The following SPEF2 variants were observed in gnomAD, a reference collection of about 807,000 sequenced individuals.
The protein encoded by SPEF2 is sperm flagellar and cilia associated 2.
Under a neutral mutation model 224.6 loss-of-function variants are expected in SPEF2, and 187 were observed. The observed-to-expected ratio is 0.83, with a 90% CI of 0.74 to 0.94. SPEF2 has a LOEUF of 0.94. SPEF2 is among the 40% of genes least tolerant of loss of function. SPEF2 has a pLI of 0.00. For synonymous variants in SPEF2, 715 were observed against 707.3 expected (o/e 1.01, Z -0.17); for missense variants, 2,170 against 2,135.6 (o/e 1.02, Z -0.32).
rs7737020 is a variant in SPEF2 at position 35,690,462 on chromosome 5, T to C, written c.1525-575T>C. Among the ~76,000 whole-genome samples the C allele has an allele frequency of 9.0e-3, 1,364 of 152,288 alleles. 16 individuals carry two copies. Among genetic ancestry groups the C allele is most frequent in the African/African-American group, 0.032 (1,327 of 41,572 alleles). On this transcript the variant is annotated intron_variant, in intron 10 of 36. Transcript: ENST00000356031. ...AAGAATTATTTTTAAAGAATGCTTTTCCTTTTAAATACTTATTTTTTTCTA... is the reference window on the plus strand; with the variant it reads ...AAGAATTATTTTTAAAGAATGCTTTCCCTTTTAAATACTTATTTTTTTCTA...
chr5:35,709,036 TC>T lies in SPEF2; in HGVS notation c.2756del (p.Pro919LeufsTer67). 1 of 1,613,890 alleles carries T rather than the reference TC, an allele frequency of 6.2e-7. No homozygotes were observed. Among genetic ancestry groups the T allele is most frequent in the Non-Finnish European group, 8.5e-7 (1 of 1,179,922 alleles). ...LPLPTPPPAP[P>X]PEPEKEKEIH... ...CACTTCCTACACCTCCTCCTGCTCC[TC>T]CTCCTGAACCAGAAAAAGAGAAGGA... On this transcript the variant is annotated frameshift_variant, in exon 19 of 37. Transcript: ENST00000356031. LOFTEE classifies it high-confidence loss of function.
At chr5:35,670,327 TA>T in intron 10 of SPEF2, 100 bp downstream of exon 10, 24 of 1,459,660 alleles carry the variant, frequency 1.6e-5, no homozygotes, top group Non-Finnish European at 2.2e-5. Flanking sequence ...CTAATAAAAA[TA>T]GACATGTTTT....
intron 30 of SPEF2, among the ~76,000 whole-genome samples, chr5:35,786,940 T>A (rs1755228693): frequency 6.6e-6 from 1 of 152,226 alleles, no homozygotes; most frequent in Non-Finnish European, 1.5e-5. Flanking sequence ...AATATTTTAA[T>A]AAACACATAT....
chr5:35,641,080 T>A (rs1051398739), intron 2 of SPEF2, among the ~76,000 whole-genome samples: 5 of 152,138 alleles, frequency 3.3e-5, no homozygotes, highest in African/African-American at 1.2e-4. Context: ...AACAAAAGAT[T>A]TAGAGCCACT....
chr5:35,682,563 C>T (rs989529377), intron 10 of SPEF2, among the ~76,000 whole-genome samples: 4 of 152,146 alleles, frequency 2.6e-5, no homozygotes, highest in African/African-American at 9.7e-5. Flanking sequence ...TTGGGAAGTT[C>T]TAGTGATCCA....
intron 26 of SPEF2, among the ~76,000 whole-genome samples, chr5:35,770,124 C>T (rs989307371): frequency 1.3e-5 from 2 of 151,686 alleles, no homozygotes; most frequent in African/African-American, 4.8e-5. Context: ...CCTTCGCCTC[C>T]CCAGGGGCAG....
chr5:35,745,396 A>G (rs1748339017), intron 23 of SPEF2, among the ~76,000 whole-genome samples: 1 of 152,104 alleles, frequency 6.6e-6, no homozygotes, highest in African/African-American at 2.4e-5. Context: ...CTTTTCTTTC[A>G]CAGCTCGGAG....
At position 35,659,058 on chromosome 5, in the gene SPEF2, C is replaced by T. The variant is rs758993373; in HGVS notation, c.1018C>T (p.Arg340Trp). ...REEQLINRLMRQSQQERRIAV... is the reference protein window; with the variant it reads ...REEQLINRLMWQSQQERRIAV... Reference sequence around the variant, plus strand: ...GGAACAGCTGATTAACCGGCTGATGCGGCAGTCCCAGCAGGAGCGCAGGAT... The same window carrying T: ...GGAACAGCTGATTAACCGGCTGATGTGGCAGTCCCAGCAGGAGCGCAGGAT... Residue 340 changes from arginine to tryptophan, a missense_variant, in exon 8 of 37, where the codon CGG becomes TGG. Arg to Trp is a moderately radical substitution (Grantham distance 101). Coordinates refer to ENST00000356031, the MANE Select transcript of SPEF2 (RefSeq NM_024867.4). 54 of 1,588,342 alleles carry T rather than the reference C, an allele frequency of 3.4e-5. No individual in the cohort carries two copies. Among genetic ancestry groups the T allele is most frequent in the Admixed American group, 8.7e-5 (5 of 57,568 alleles).
At chr5:35,734,975 G>T (rs1746330861) in intron 21 of SPEF2, among the ~76,000 whole-genome samples, 1 of 152,070 alleles carries the variant, frequency 6.6e-6, no homozygotes, top group African/African-American at 2.4e-5. Flanking sequence ...CTCCCAAAGT[G>T]CTGGGATTAT....
intron 32 of SPEF2, among the ~76,000 whole-genome samples, chr5:35,794,690 A>G: frequency 6.6e-6 from 1 of 152,242 alleles, no homozygotes; most frequent in Non-Finnish European, 1.5e-5. Flanking sequence ...AACATAGGAT[A>G]TCAATTTGAA....
intron 20 of SPEF2, among the ~76,000 whole-genome samples, chr5:35,721,239 A>G (rs77949097): frequency 6.6e-6 from 1 of 152,194 alleles, no homozygotes; most frequent in African/African-American, 2.4e-5. Context: ...ATACAATCCT[A>G]TAACCCTAGG....
intron 32 of SPEF2, among the ~76,000 whole-genome samples, chr5:35,795,410 A>C (rs1314271179): frequency 6.6e-6 from 1 of 152,254 alleles, no homozygotes; most frequent in Non-Finnish European, 1.5e-5. Context: ...AATCGTTAAA[A>C]ATAGCCAGCA....
At chr5:35,636,859 C>T (rs1017890326) in intron 2 of SPEF2, among the ~76,000 whole-genome samples, 1 of 151,634 alleles carries the variant, frequency 6.6e-6, no homozygotes, top group African/African-American at 2.4e-5. Flanking sequence ...ACCTGTATTC[C>T]CAGCTACTCA....
chr5:35,623,240 G>T (rs184590603), intron 1 of SPEF2, among the ~76,000 whole-genome samples: 1 of 152,264 alleles, frequency 6.6e-6, no homozygotes, highest in African/African-American at 2.4e-5. Flanking sequence ...GTACCCAGCC[G>T]GTTTCTAGGA....
chr5:35,811,296 G>A (rs895134021), intron 36 of SPEF2, among the ~76,000 whole-genome samples: 10 of 152,100 alleles, frequency 6.6e-5, no homozygotes, highest in African/African-American at 2.4e-4. Context: ...AAGAGCAAAA[G>A]CTAGAGTGTG....
intron 24 of SPEF2, 48 bp from the exon 25 acceptor site, chr5:35,759,520 A>G (rs753168701): frequency 1.6e-5 from 24 of 1,478,908 alleles, no homozygotes; most frequent in Non-Finnish European, 2.2e-5. Flanking sequence ...ATATGTACAG[A>G]TCAGCTTGTT....
At chr5:35,729,641 G>A (rs991911498) in intron 21 of SPEF2, among the ~76,000 whole-genome samples, 8 of 152,176 alleles carry the variant, frequency 5.3e-5, no homozygotes, top group African/African-American at 1.7e-4. Context: ...CTCCCCACAC[G>A]TGAACTGCCG....
chr5:35,754,643 T>G (rs1440800445), intron 24 of SPEF2, among the ~76,000 whole-genome samples: 1 of 152,114 alleles, frequency 6.6e-6, no homozygotes, highest in Non-Finnish European at 1.5e-5. Flanking sequence ...GTACAACTGG[T>G]AGGAGGCTTT....
chr5:35,710,899 C>G, intron 19 of SPEF2: 1 of 984,212 alleles, frequency 1.0e-6, no homozygotes, highest in Non-Finnish European at 1.2e-6. Flanking sequence ...AGGCTAGTGC[C>G]TGATATTTAA....
Sources: allele counts gnomAD v4.1 joint callset (sites outside exome capture counted in the v4.1 genomes callset), GRCh38; gene constraint gnomAD v4.1.1; transcripts MANE v1.5; gene names NCBI Gene and HGNC (gene_info 2026-07-23, HGNC 2026-07-21).